The following MTHFD1L variants were observed in gnomAD, a reference collection of about 807,000 sequenced individuals.
MTHFD1L encodes monofunctional C1-tetrahydrofolate synthase, mitochondrial.
A neutral mutation model predicts 119.5 loss-of-function variants in MTHFD1L; 81 were observed. The ratio of observed to expected loss-of-function variants is 0.68; its 90% CI spans 0.57 to 0.82. MTHFD1L has a LOEUF of 0.82. Ranked by LOEUF, MTHFD1L falls within the 40% of genes least tolerant of loss-of-function variation. MTHFD1L has a pLI of 0.00. For synonymous variants in MTHFD1L, 430 were observed against 475.2 expected (o/e 0.90, Z 1.24); for missense variants, 1,125 against 1,253.4 (o/e 0.90, Z 1.55).
intron 26 of MTHFD1L, among the ~76,000 whole-genome samples, chr6:151,091,278 G>GACTGGGTGCAGCATTGCTCCATGTT (rs1794421218): frequency 6.6e-6 from 1 of 152,206 alleles, no homozygotes. Flanking sequence ...TGCTCCATGT[G>GACTGGGTGCAGCATTGCTCCATGTT]ACTGGGTGCA....
chr6:151,093,603 C>A (rs552078145), intron 27 of MTHFD1L, among the ~76,000 whole-genome samples: 57 of 152,160 alleles, frequency 3.7e-4, no homozygotes, highest in Non-Finnish European at 6.0e-4. Flanking sequence ...TTGCAGTGAG[C>A]TGAGATTGCG....
intron 24 of MTHFD1L, among the ~76,000 whole-genome samples, chr6:151,019,399 C>T (rs1002472635): frequency 6.6e-6 from 1 of 152,204 alleles, no homozygotes; most frequent in African/African-American, 2.4e-5. Flanking sequence ...CTGTCTCAGA[C>T]ATGCACTAAC....
intron 18 of MTHFD1L, among the ~76,000 whole-genome samples, chr6:150,963,883 A>C (rs1226118600): frequency 6.6e-6 from 1 of 152,230 alleles, no homozygotes; most frequent in Non-Finnish European, 1.5e-5. Context: ...AAAAAGAAAC[A>C]AAGGCCGGGC....
rs867822345 is a variant in MTHFD1L, at chr6:150,963,246, C to T, written c.1945-1723C>T. Among the ~76,000 whole-genome samples, 54 of 152,080 alleles carry T rather than the reference C, an allele frequency of 3.6e-4. 1 individual carries two copies. Among genetic ancestry groups the T allele is most frequent in the African/African-American group, 1.2e-3 (50 of 41,408 alleles). On this transcript the variant is annotated intron_variant, in intron 18 of 27. Coordinates refer to ENST00000367321, the MANE Select transcript of MTHFD1L (RefSeq NM_015440.5). ...TGCAGCTTTCAAAGTGAACCATCTT[C>T]GTGTATGTATAATGAGTGGGTTGCA...
chr6:150,906,252 G>C (rs147756675), intron 8 of MTHFD1L, among the ~76,000 whole-genome samples: 183 of 152,302 alleles, frequency 1.2e-3, no homozygotes, highest in Non-Finnish European at 1.6e-3. Context: ...AGTCATCTCA[G>C]AACAGTATGA....
At chr6:151,052,376 CA>C (rs994522885) in intron 26 of MTHFD1L, among the ~76,000 whole-genome samples, 2 of 152,178 alleles carry the variant, frequency 1.3e-5, no homozygotes, top group African/African-American at 4.8e-5. Context: ...TGGAAAGACC[CA>C]ATCCCTGTCC....
Position 151,034,570 on chromosome 6 carries a change from A to G in MTHFD1L, c.2664A>G (p.Ala888=). 1 of 1,611,642 alleles carries G rather than the reference A, an allele frequency of 6.2e-7. No homozygotes were observed. The highest frequency in any genetic ancestry group is 1.1e-5 in the South Asian group (1 of 90,990). The change falls in exon 25 of 28, where the codon GCA becomes GCG. Residue 888 remains alanine, a synonymous_variant. Transcript: ENST00000367321. ...AAGATATTGAACTCTCTCCTGAGGC[A>G]CAAGCCAAAATAGATCGTTACACTC... ...GAKDIELSPE[A]QAKIDRYTQQ...
At chr6:150,877,871 G>A in intron 4 of MTHFD1L, 45 bp downstream of exon 4, 1 of 1,608,616 alleles carries the variant, frequency 6.2e-7, no homozygotes, top group Non-Finnish European at 8.5e-7. Context: ...CTTTCCTCTT[G>A]AGACTTAATA....
intron 1 of MTHFD1L, among the ~76,000 whole-genome samples, chr6:150,869,567 G>C (rs995521297): frequency 6.6e-6 from 1 of 152,154 alleles, no homozygotes; most frequent in Admixed American, 6.5e-5. Context: ...ATGTTGGCCA[G>C]GCTGGTCTCA....
intron 26 of MTHFD1L, among the ~76,000 whole-genome samples, chr6:151,049,110 CTT>C (rs1359801112): frequency 6.6e-6 from 1 of 152,214 alleles, no homozygotes; most frequent in African/African-American, 2.4e-5. Flanking sequence ...AATGCCAACA[CTT>C]TGGGAGACCA....
rs776294098 is a variant in MTHFD1L, at chr6:150,926,651, G to A, written c.1256+356G>A. Among the ~76,000 whole-genome samples the A allele has an allele frequency of 1.1e-4, 16 of 152,096 alleles. No individual in the cohort carries two copies. Among genetic ancestry groups the A allele is most frequent in the Admixed American group, 2.0e-4 (3 of 15,266 alleles). ...TTGAACTGAGCAGTTTGTTTTGTGC[G>A]TTCTACTTGAAATATTTTCGTGGAA... On this transcript the variant is annotated intron_variant, in intron 11 of 27. Transcript: ENST00000367321. The surrounding 1 kb of genome is among the most constrained non-coding windows in gnomAD (Gnocchi z 4.3).
At chr6:150,947,630 AT>A (rs1406439157) in intron 15 of MTHFD1L, among the ~76,000 whole-genome samples, 28 of 152,058 alleles carry the variant, frequency 1.8e-4, no homozygotes, top group Admixed American at 6.6e-4. Context: ...TCCTCCATAA[AT>A]TAGGAATAAC....
intron 26 of MTHFD1L, among the ~76,000 whole-genome samples, chr6:151,044,964 G>C (rs1787746248): frequency 6.6e-6 from 1 of 152,166 alleles, no homozygotes; most frequent in Admixed American, 6.5e-5. Flanking sequence ...AGCTCGGTTT[G>C]TTTTCCGTCC....
At chr6:150,945,349 G>C in intron 14 of MTHFD1L, 118 bp from the exon 15 acceptor site, 1 of 717,664 alleles carries the variant, frequency 1.4e-6, no homozygotes, top group South Asian at 1.9e-5. Flanking sequence ...TTTTAATAGG[G>C]TCTTTTATCT....
intron 18 of MTHFD1L, among the ~76,000 whole-genome samples, chr6:150,961,608 A>G (rs1562460223): frequency 6.6e-6 from 1 of 152,208 alleles, no homozygotes; most frequent in East Asian, 1.9e-4. Flanking sequence ...GCAAAGTCAT[A>G]TTTTATTAAT....
At chr6:151,029,660 G>A (rs1056995626) in intron 24 of MTHFD1L, among the ~76,000 whole-genome samples, 1 of 152,110 alleles carries the variant, frequency 6.6e-6, no homozygotes, top group Non-Finnish European at 1.5e-5. Flanking sequence ...GCCGGGCGTG[G>A]TGGCACATGC....
intron 26 of MTHFD1L, among the ~76,000 whole-genome samples, chr6:151,041,525 C>G (rs924410910): frequency 6.6e-6 from 1 of 152,194 alleles, no homozygotes; most frequent in Admixed American, 6.5e-5. Flanking sequence ...CATCTATCCA[C>G]TCCAGAAAGA....
intron 17 of MTHFD1L, among the ~76,000 whole-genome samples, chr6:150,957,583 T>G (rs1795825409): frequency 1.3e-5 from 2 of 152,196 alleles, no homozygotes. Flanking sequence ...TGCCATTATT[T>G]GCAGCGGTGA....
intron 26 of MTHFD1L, among the ~76,000 whole-genome samples, chr6:151,087,936 C>G (rs891940331): frequency 2.0e-5 from 3 of 152,208 alleles, no homozygotes; most frequent in Admixed American, 2.0e-4. Flanking sequence ...TTTAGTGGCT[C>G]CTTAGTTATT....
Sources: gnomAD v4.1 joint callset for allele counts (sites outside exome capture counted in the v4.1 genomes callset) on GRCh38, gnomAD v4.1.1 for gene constraint, Gnocchi (gnomAD v3.1) non-coding constraint, MANE v1.5 for transcripts, NCBI Gene and HGNC (gene_info 2026-07-23, HGNC 2026-07-21) for gene names.